Variants in SOX5 observed in about 807,000 individuals in gnomAD.
The protein encoded by SOX5 is transcription factor SOX-5.
A neutral mutation model predicts 92.0 loss-of-function variants in SOX5; 9 were observed. The ratio of observed to expected loss-of-function variants is 0.10; its 90% confidence interval spans 0.06 to 0.17. SOX5 has a LOEUF of 0.17. Ranked by LOEUF, SOX5 falls within the 10% of genes least tolerant of loss-of-function variation. The probability of loss-of-function intolerance (pLI) is 1.00; values close to 1 mark genes in which losing one functional copy is unlikely to be tolerated. For synonymous variants in SOX5, 344 were observed against 336.3 expected (o/e 1.02, Z -0.25); for missense variants, 642 against 944.5 (o/e 0.68, Z 4.20).
intron 2 of SOX5, among the ~76,000 whole-genome samples, chr12:24,316,412 G>A (rs1949701083): frequency 6.6e-6 from 1 of 152,080 alleles, no homozygotes; most frequent in African/African-American, 2.4e-5. Context: ...ACTTGATATT[G>A]GCACAAGTTA....
At chr12:23,968,431 G>T (rs748861322) in intron 4 of SOX5, among the ~76,000 whole-genome samples, 1 of 152,150 alleles carries the variant, frequency 6.6e-6, no homozygotes, top group Non-Finnish European at 1.5e-5. Context: ...CTGGAAGTGG[G>T]GCCTAATGGG....
chr12:23,658,298 C>A (rs999460349), intron 7 of SOX5, among the ~76,000 whole-genome samples: 1 of 152,092 alleles, frequency 6.6e-6, no homozygotes, highest in Non-Finnish European at 1.5e-5. Flanking sequence ...CCTAGAAACA[C>A]TTTTCTCATG....
At chr12:23,774,674 G>A (rs1330241764) in intron 3 of SOX5, among the ~76,000 whole-genome samples, 1 of 152,100 alleles carries the variant, frequency 6.6e-6, no homozygotes, top group East Asian at 1.9e-4. Context: ...AGGCAAATGA[G>A]AAATTCTTCA....
chr12:24,150,529 C>T (rs1951549505), intron 4 of SOX5, among the ~76,000 whole-genome samples: 1 of 151,930 alleles, frequency 6.6e-6, no homozygotes, highest in Non-Finnish European at 1.5e-5. Flanking sequence ...AGCCATTGAC[C>T]TGAATGAAAT....
At chr12:23,727,316 T>C (rs1157779460) in intron 6 of SOX5, among the ~76,000 whole-genome samples, 1 of 152,138 alleles carries the variant, frequency 6.6e-6, no homozygotes, top group East Asian at 1.9e-4. Flanking sequence ...AAAAATCCTA[T>C]ATAAATATAA....
At chr12:24,508,377 T>G (rs1415983800) in intron 1 of SOX5, among the ~76,000 whole-genome samples, 1 of 152,026 alleles carries the variant, frequency 6.6e-6, no homozygotes, top group African/African-American at 2.4e-5. Context: ...AAAGAAAGAA[T>G]AAGAATCAAA....
At chr12:24,348,192 G>T (rs1953575437) in intron 2 of SOX5, among the ~76,000 whole-genome samples, 1 of 151,740 alleles carries the variant, frequency 6.6e-6, no homozygotes, top group Admixed American at 6.6e-5. Flanking sequence ...AAATAAAATG[G>T]ATACTCTAAA....
intron 2 of SOX5, 146 bp downstream of exon 2, chr12:23,895,647 A>C (rs2097169691): frequency 9.5e-6 from 6 of 630,238 alleles, no homozygotes; most frequent in South Asian, 4.4e-5. Context: ...GAACAAATTT[A>C]AAGAATTCTA....
chr12:24,354,277 A>C (rs1165579088), intron 2 of SOX5, among the ~76,000 whole-genome samples: 1 of 152,224 alleles, frequency 6.6e-6, no homozygotes, highest in Non-Finnish European at 1.5e-5. Flanking sequence ...AAACAAACAA[A>C]AAACAAAACA....
chr12:24,188,926 T>C (rs1232918884), intron 4 of SOX5, among the ~76,000 whole-genome samples: 2 of 152,168 alleles, frequency 1.3e-5, no homozygotes, highest in Non-Finnish European at 2.9e-5. Flanking sequence ...TTATGGAAAG[T>C]GATTTCTAAA....
intron 4 of SOX5, among the ~76,000 whole-genome samples, chr12:24,044,994 T>C (rs1956862696): frequency 6.6e-6 from 1 of 152,232 alleles, no homozygotes. Context: ...AGTCTGGATA[T>C]GCTTCTGAAA....
intron 4 of SOX5, among the ~76,000 whole-genome samples, chr12:24,078,461 G>C (rs1380880846): frequency 5.3e-5 from 8 of 152,078 alleles, no homozygotes; most frequent in Non-Finnish European, 1.0e-4. Context: ...ATTGGAGTGA[G>C]AGAGATAAGG....
At chr12:23,975,073 T>C (rs1489587911) in intron 4 of SOX5, among the ~76,000 whole-genome samples, 1 of 152,144 alleles carries the variant, frequency 6.6e-6, no homozygotes, top group Non-Finnish European at 1.5e-5. Context: ...GTTACAAAAA[T>C]AATTTACAGT....
At chr12:24,220,895 G>GA (rs1377631295) in intron 3 of SOX5, among the ~76,000 whole-genome samples, 1 of 152,128 alleles carries the variant, frequency 6.6e-6, no homozygotes, top group African/African-American at 2.4e-5. Flanking sequence ...TGTAGTAGCC[G>GA]AAAGTCTGAA....
intron 4 of SOX5, among the ~76,000 whole-genome samples, chr12:24,087,256 TATC>T (rs951841703): frequency 3.4e-4 from 51 of 152,184 alleles, no homozygotes; most frequent in African/African-American, 9.6e-4. Context: ...GCCAAAATTT[TATC>T]ATAATTTGAG....
intron 1 of SOX5, among the ~76,000 whole-genome samples, chr12:24,528,266 C>A (rs1950885947): frequency 6.6e-6 from 1 of 152,180 alleles, no homozygotes. Context: ...TGGTCTTGAC[C>A]TGTACATCCC....
At chr12:24,241,521 T>C (rs1965556596) in intron 3 of SOX5, among the ~76,000 whole-genome samples, 1 of 152,146 alleles carries the variant, frequency 6.6e-6, no homozygotes, top group African/African-American at 2.4e-5. Flanking sequence ...ATCAAATGAA[T>C]TTCCATGAAA....
intron 8 of SOX5, among the ~76,000 whole-genome samples, chr12:23,610,469 C>A (rs1289051461): frequency 1.3e-5 from 2 of 151,992 alleles, no homozygotes; most frequent in African/African-American, 4.8e-5. Flanking sequence ...TATGTCCCTG[C>A]TAATCAATGC....
At chr12:24,103,333 T>C (rs541347918) in intron 4 of SOX5, among the ~76,000 whole-genome samples, 3 of 145,650 alleles carry the variant, frequency 2.1e-5, no homozygotes, top group East Asian at 4.3e-4. Context: ...ACATCTTTAA[T>C]AGTAATTCTT....
Sources: gnomAD v4.1 joint callset for allele counts (sites outside exome capture counted in the v4.1 genomes callset) on GRCh38, gnomAD v4.1.1 for gene constraint, MANE v1.5 for transcripts, NCBI Gene and HGNC (gene_info 2026-07-23, HGNC 2026-07-21) for gene names.